GSR: variants seen among roughly 807,000 people sequenced by gnomAD.
GSR encodes glutathione-disulfide reductase, also known as glutathione reductase, mitochondrial.
GSR carries 48 observed loss-of-function variants against 56.5 expected under a neutral mutation model. The ratio of observed to expected loss-of-function variants is 0.85; its 90% CI spans 0.67 to 1.08. The LOEUF (loss-of-function observed/expected upper bound fraction) is 1.08. GSR is among the 50% of genes least tolerant of loss of function. The pLI is 0.00. For synonymous variants in GSR, 264 were observed against 270.8 expected, an observed-to-expected ratio of 0.97 and a Z score of 0.25; for missense variants, 694 against 703.3, an observed-to-expected ratio of 0.99 and a Z score of 0.15.
At chr8:30,710,229 T>C (rs1436739752) in intron 2 of GSR, among the ~76,000 whole-genome samples, 1 of 151,798 alleles carries the variant, frequency 6.6e-6, no homozygotes, top group African/African-American at 2.4e-5. Context: ...GGCAGGAGAA[T>C]TGCTTGAACC....
chr8:30,717,562 G>A (rs954536148), intron 1 of GSR, among the ~76,000 whole-genome samples: 4 of 152,064 alleles, frequency 2.6e-5, no homozygotes, highest in Admixed American at 1.3e-4. Flanking sequence ...GATCAGTGGC[G>A]GCATTAGATT....
At chr8:30,708,770 C>A (rs547864323) in intron 3 of GSR, among the ~76,000 whole-genome samples, 42 of 151,184 alleles carry the variant, frequency 2.8e-4, no homozygotes, top group African/African-American at 9.2e-4. Context: ...TTCTGGCTAA[C>A]ACAGTGAAAT....
chr8:30,689,150 A>G lies in GSR; in HGVS notation c.1041+11T>C. On this transcript the variant is annotated intron_variant, in intron 9 of 12. Transcript: ENST00000221130. ...ATTCACAAATGTTTCGGGCAGACCAAGCCAGCTTACCAGTTTGTTTAAACT... is the reference window on the plus strand; with the variant it reads ...ATTCACAAATGTTTCGGGCAGACCAGGCCAGCTTACCAGTTTGTTTAAACT... The G allele has an allele frequency of 1.9e-6, 3 of 1,613,806 alleles. No homozygotes were observed. Among genetic ancestry groups the G allele is most frequent in the Non-Finnish European group, 2.5e-6 (3 of 1,179,718 alleles).
rs529459048 is a variant in GSR at position 30,685,016 on chromosome 8, C to CTGGAGTGTGA, written c.1042-818_1042-817insTCACACTCCA. Among the ~76,000 whole-genome samples, 121 of 151,566 alleles carry CTGGAGTGTGA rather than the reference C, an allele frequency of 8.0e-4. 1 individual carries two copies. The South Asian group carries it at 0.01, about 13-fold the overall frequency. On this transcript the variant is annotated intron_variant, in intron 9 of 12. Coordinates refer to ENST00000221130, the MANE Select transcript of GSR (RefSeq NM_000637.5). ...ATGGAGTCTCGCTCTGTCGCCCAGGCTGGCGCGATCTAGGCTCTCTGCAAG... is the reference window on the plus strand; with the variant it reads ...ATGGAGTCTCGCTCTGTCGCCCAGGCTGGAGTGTGATGGCGCGATCTAGGCTCTCTGCAAG...
chr8:30,700,051 AGT>A, intron 6 of GSR, 28 bp downstream of exon 6: 1 of 1,542,412 alleles, frequency 6.5e-7, no homozygotes, highest in East Asian at 2.2e-5. Context: ...AGGAAGAATG[AGT>A]CACTGAGGTC....
At chr8:30,718,998 C>T (rs1028621901) in intron 1 of GSR, among the ~76,000 whole-genome samples, 5 of 152,016 alleles carry the variant, frequency 3.3e-5, no homozygotes, top group Admixed American at 1.3e-4. Flanking sequence ...GGTGCCATCT[C>T]GGTTCATCAC....
intron 9 of GSR, among the ~76,000 whole-genome samples, chr8:30,686,253 G>A (rs537836333): frequency 6.6e-6 from 1 of 151,842 alleles, no homozygotes; most frequent in African/African-American, 2.4e-5. Flanking sequence ...ATACCTTGCC[G>A]GTTGTTGGCA....
chr8:30,679,779 C>G, intron 12 of GSR, 110 bp from the exon 13 acceptor site: 2 of 939,120 alleles, frequency 2.1e-6, no homozygotes. Flanking sequence ...GATCTCGGCT[C>G]GCTGCAACCT....
At chr8:30,681,660 T>C (rs1001617939) in intron 11 of GSR, among the ~76,000 whole-genome samples, 2 of 152,088 alleles carry the variant, frequency 1.3e-5, no homozygotes, top group Non-Finnish European at 2.9e-5. Flanking sequence ...CTTTGTATTA[T>C]TTTTAGAGCT....
At chr8:30,699,634 G>A (rs1803660852) in intron 6 of GSR, among the ~76,000 whole-genome samples, 2 of 151,646 alleles carry the variant, frequency 1.3e-5, no homozygotes, top group African/African-American at 4.8e-5. Flanking sequence ...AGTAGAGACA[G>A]GGTTTCACCA....
At chr8:30,685,108 C>T (rs1267716709) in intron 9 of GSR, among the ~76,000 whole-genome samples, 3 of 151,912 alleles carry the variant, frequency 2.0e-5, no homozygotes, top group Admixed American at 1.3e-4. Context: ...TACAGGTGCC[C>T]GCCGCCACAC....
chr8:30,688,401 A>G (rs950313978), intron 9 of GSR, among the ~76,000 whole-genome samples: 19 of 152,156 alleles, frequency 1.2e-4, no homozygotes, highest in Middle Eastern at 6.8e-3. Context: ...CAACATAGTA[A>G]GACTCCATCT....
In GSR at chr8:30,712,165, C is replaced by A; in HGVS notation, c.307-77G>T. 10 of 771,880 alleles carry A rather than the reference C, an allele frequency of 1.3e-5. No individual in the cohort carries two copies. The Admixed American group carries it at 1.6e-4, about 13-fold the overall frequency. 47.8% of individuals were successfully genotyped at this position (771,880 alleles called of 1,614,324 possible). On this transcript the variant is annotated intron_variant, in intron 1 of 12. Transcript: ENST00000221130. The stretch of plus-strand genomic sequence containing the variant: ...AAACGAAATCTGCAAGAAATGCACG[C>A]TAAGCATCAAGCGAGGAGTCTTCCT...
At chr8:30,715,897 G>T (rs1177921026) in intron 1 of GSR, among the ~76,000 whole-genome samples, 2 of 152,084 alleles carry the variant, frequency 1.3e-5, no homozygotes, top group East Asian at 1.9e-4. Flanking sequence ...TTTTAAAAAA[G>T]TTTTTAAAAA....
At chr8:30,714,395 C>T (rs188751249) in intron 1 of GSR, among the ~76,000 whole-genome samples, 753 of 151,860 alleles carry the variant, frequency 5.0e-3, no homozygotes, top group Admixed American at 9.7e-3. Flanking sequence ...GAGACAGAGT[C>T]GCACCATGTT....
At chr8:30,707,352 A>T (rs1323246922) in intron 4 of GSR, among the ~76,000 whole-genome samples, 1 of 152,152 alleles carries the variant, frequency 6.6e-6, no homozygotes, top group Non-Finnish European at 1.5e-5. Context: ...TCTAGGTCAG[A>T]GGCTTCTGCT....
In GSR at chr8:30,711,125, G is replaced by A. The variant is rs181063734; in HGVS notation, c.333+937C>T. 2.4e-4 allele frequency among the ~76,000 whole-genome samples: 36 copies of A among 152,260 alleles called. 1 individual carries two copies. The East Asian group carries it at 6.8e-3, about 29-fold the overall frequency. Reference sequence around the variant, plus strand: ...AACACCTTACCTATACCACGGAAAAGACTTCAAAAAGACTTTTTGGAATTA... The same window carrying A: ...AACACCTTACCTATACCACGGAAAAAACTTCAAAAAGACTTTTTGGAATTA... On this transcript the variant is annotated intron_variant, in intron 2 of 12. Coordinates refer to ENST00000221130, the MANE Select transcript of GSR (RefSeq NM_000637.5).
Position 30,727,785 on chromosome 8 carries a change from C to T in GSR, c.51G>A (p.Arg17=). 1 of 1,351,948 alleles carries T rather than the reference C, an allele frequency of 7.4e-7. No individual in the cohort carries two copies. The highest frequency in any genetic ancestry group is 9.5e-7 in the Non-Finnish European group (1 of 1,051,788). 83.7% of individuals were successfully genotyped at this position (1,351,948 alleles called of 1,614,324 possible). A position where few individuals can be genotyped will look rare whatever the true frequency, so the allele number is the denominator to read the frequency against. The part of the protein sequence containing the change: ...ALSAGAGPSW[R]RAARAFRGFL... ...AGCCTCGGAAGGCGCGCGCCGCCCG[C>T]CGCCAGCTCGGTCCCGCGCCGGCGC... is the stretch of plus-strand genomic sequence containing the variant. The change falls in exon 1 of 13, where the codon CGG becomes CGA. Residue 17 remains arginine, a synonymous_variant. Coordinates refer to ENST00000221130, the MANE Select transcript of GSR (RefSeq NM_000637.5).
At chr8:30,689,992 GTATA>G (rs1435882859) in intron 8 of GSR, among the ~76,000 whole-genome samples, 1 of 108,568 alleles carries the variant, frequency 9.2e-6, no homozygotes, top group Non-Finnish European at 2.0e-5. Flanking sequence ...GTATATATAT[GTATA>G]TTTATATACA....
Sources: allele counts gnomAD v4.1 joint callset (sites outside exome capture counted in the v4.1 genomes callset), GRCh38; gene constraint gnomAD v4.1.1; transcripts MANE v1.5; gene names NCBI Gene and HGNC (gene_info 2026-07-23, HGNC 2026-07-21).